The following MRTFB variants were observed in gnomAD, a reference collection of about 807,000 sequenced individuals.
MRTFB encodes the protein myocardin-related transcription factor B.
In MRTFB, 29 loss-of-function variants were observed where a neutral mutation model predicts 104.2. That is an observed-to-expected ratio of 0.28 (90% CI 0.21 to 0.38). The LOEUF (loss-of-function observed/expected upper bound fraction) is 0.38, where lower values mean the gene tolerates loss of function less well. MRTFB is among the 10% of genes least tolerant of loss of function. The probability of loss-of-function intolerance (pLI) is 1.00; values close to 1 mark genes in which losing one functional copy is unlikely to be tolerated. For synonymous variants in MRTFB, 535 were observed against 519.5 expected, an observed-to-expected ratio of 1.03 and a Z score of -0.41; for missense variants, 1,270 against 1,341.6, an observed-to-expected ratio of 0.95 and a Z score of 0.83.
At chr16:14,159,929 C>CAAAAAAAAAA (rs552159164) in intron 3 of MRTFB, among the ~76,000 whole-genome samples, 5 of 55,628 alleles carry the variant, frequency 9.0e-5, no homozygotes, top group African/African-American at 2.6e-4. Context: ...GACTCCGTCT[C>CAAAAAAAAAA]AAAAAAAAAA....
At chr16:14,252,567 A>G (rs1597383329) in intron 15 of MRTFB, 65 bp downstream of exon 15, 1 of 1,537,352 alleles carries the variant, frequency 6.5e-7, no homozygotes, top group East Asian at 2.3e-5. Context: ...AGTCTCGAGC[A>G]GACCTATACA....
the MRTFB span, among the ~76,000 whole-genome samples, chr16:14,049,529 C>T: frequency 2.0e-5 from 3 of 152,092 alleles, no homozygotes; most frequent in Non-Finnish European, 4.4e-5. Context: ...AGAAAAATGA[C>T]AAATAAATGC....
In MRTFB at chr16:14,251,853, T is replaced by G. The variant is rs764042372; in HGVS notation, c.2404-9T>G. The stretch of plus-strand genomic sequence containing the variant: ...AACAAATTAATGGAGAAACATTTAT[T>G]CATTACAGGTTTTCACAAACTCAGC... On this transcript the variant is annotated splice_polypyrimidine_tract_variant and intron_variant, in intron 13 of 16. Coordinates refer to ENST00000571589, the MANE Select transcript of MRTFB (RefSeq NM_001308142.2). The G allele has an allele frequency of 6.2e-7, 1 of 1,612,330 alleles. No homozygotes were observed. The highest frequency in any genetic ancestry group is 8.5e-7 in the Non-Finnish European group (1 of 1,179,256).
At chr16:14,078,001 G>A (rs1004786329) in intron 1 of MRTFB, among the ~76,000 whole-genome samples, 51 of 152,226 alleles carry the variant, frequency 3.4e-4, no homozygotes, top group African/African-American at 1.1e-3. Context: ...TAGCCTTGCT[G>A]CCTTAGTCTC....
chr16:14,196,078 A>T (rs551899731), intron 3 of MRTFB, among the ~76,000 whole-genome samples: 70 of 152,368 alleles, frequency 4.6e-4, no homozygotes, highest in Non-Finnish European at 8.8e-4. Flanking sequence ...ATATCACAAG[A>T]AGCATACTTT....
the MRTFB span, among the ~76,000 whole-genome samples, chr16:14,028,206 C>CAACAAAACAAAACAAAACAA: frequency 0.27 from 40,757 of 151,172 alleles, 6,557 homozygotes; most frequent in Admixed American, 0.39. Context: ...AAACACAACA[C>CAACAAAACAAAACAAAACAA]AACAAAACAA....
At chr16:14,103,616 A>G (rs1323986941) in intron 2 of MRTFB, among the ~76,000 whole-genome samples, 1 of 152,196 alleles carries the variant, frequency 6.6e-6, no homozygotes, top group Non-Finnish European at 1.5e-5. Context: ...GCAGTGTACT[A>G]CACACTGCAG....
intron 13 of MRTFB, 141 bp from the exon 14 acceptor site, chr16:14,251,721 G>A (rs2043264185): frequency 2.5e-6 from 2 of 812,212 alleles, no homozygotes; most frequent in African/African-American, 1.7e-5. Context: ...CAGAGGCCAG[G>A]TGACCCACAA....
chr16:14,003,843 G>A, the MRTFB span, among the ~76,000 whole-genome samples: 1 of 152,182 alleles, frequency 6.6e-6, no homozygotes, highest in African/African-American at 2.4e-5. Flanking sequence ...GGTGAGGACT[G>A]TTCCCTAAGT....
At chr16:14,184,363 T>C (rs1053396030) in intron 3 of MRTFB, among the ~76,000 whole-genome samples, 1 of 151,988 alleles carries the variant, frequency 6.6e-6, no homozygotes, top group African/African-American at 2.4e-5. Flanking sequence ...GCTGGGATTA[T>C]AGGTATGTGC....
intron 3 of MRTFB, among the ~76,000 whole-genome samples, chr16:14,153,959 T>C (rs773880318): frequency 5.9e-5 from 9 of 152,242 alleles, no homozygotes; most frequent in Non-Finnish European, 8.8e-5. Context: ...ATAGCCCCTC[T>C]AAGTATCATG....
chr16:14,079,757 T>C (rs1029052990), intron 2 of MRTFB, among the ~76,000 whole-genome samples: 3 of 152,092 alleles, frequency 2.0e-5, no homozygotes, highest in African/African-American at 7.2e-5. Flanking sequence ...TTGGGTTTTT[T>C]TTTACTATAA....
intron 2 of MRTFB, among the ~76,000 whole-genome samples, chr16:14,080,722 C>G (rs2034347678): frequency 6.6e-6 from 1 of 152,166 alleles, no homozygotes. Context: ...AGATCAACTT[C>G]TTCAGATTCC....
chr16:14,132,875 G>C (rs2037509088), intron 2 of MRTFB, among the ~76,000 whole-genome samples: 1 of 152,186 alleles, frequency 6.6e-6, no homozygotes, highest in African/African-American at 2.4e-5. Context: ...CTGACTAACT[G>C]AGTTGTGTCC....
chr16:14,149,030 TC>T (rs1455472591), intron 3 of MRTFB, among the ~76,000 whole-genome samples: 1 of 152,208 alleles, frequency 6.6e-6, no homozygotes, highest in East Asian at 1.9e-4. Flanking sequence ...AGTCAGACTT[TC>T]CTGCCATATT....
At chr16:14,246,004 T>C (rs1016358763) in intron 11 of MRTFB, among the ~76,000 whole-genome samples, 1 of 152,198 alleles carries the variant, frequency 6.6e-6, no homozygotes, top group African/African-American at 2.4e-5. Flanking sequence ...TTTTTAGGTT[T>C]CTACCACAGC....
the MRTFB span, among the ~76,000 whole-genome samples, chr16:14,027,634 T>C: frequency 6.6e-6 from 1 of 152,176 alleles, no homozygotes; most frequent in African/African-American, 2.4e-5. Context: ...GTATAAGATG[T>C]TATCATGGGG....
At chr16:14,188,193 A>G (rs1337419363) in intron 3 of MRTFB, among the ~76,000 whole-genome samples, 1 of 152,208 alleles carries the variant, frequency 6.6e-6, no homozygotes, top group Non-Finnish European at 1.5e-5. Context: ...TGTGCACGGC[A>G]TGTCTTACTG....
chr16:14,245,425 C>T (rs2042969244), intron 10 of MRTFB, 103 bp from the exon 11 acceptor site: 15 of 943,790 alleles, frequency 1.6e-5, no homozygotes, highest in East Asian at 2.7e-5. Context: ...AATCCATAAC[C>T]ATGGTATTTT....
Sources: allele counts gnomAD v4.1 joint callset (sites outside exome capture counted in the v4.1 genomes callset), GRCh38; gene constraint gnomAD v4.1.1; transcripts MANE v1.5; gene names NCBI Gene and HGNC (gene_info 2026-07-23, HGNC 2026-07-21).